The following NEK10 variants were observed in gnomAD, a reference collection of about 807,000 sequenced individuals.
NEK10 encodes the protein NIMA related kinase 10.
A neutral mutation model predicts 159.8 loss-of-function variants in NEK10; 122 were observed. That is an observed-to-expected ratio of 0.76 (90% CI 0.66 to 0.89). The LOEUF (loss-of-function observed/expected upper bound fraction) is 0.89, where lower values mean the gene tolerates loss of function less well. Ranked by LOEUF, NEK10 falls within the 40% of genes least tolerant of loss-of-function variation. The pLI is 0.00. For synonymous variants in NEK10, 466 were observed against 457.1 expected (o/e 1.02, Z -0.25); for missense variants, 1,342 against 1,323.1 (o/e 1.01, Z -0.22).
chr3:27,368,659 A>G (rs2049283885), intron 1 of NEK10, among the ~76,000 whole-genome samples: 1 of 152,166 alleles, frequency 6.6e-6, no homozygotes, highest in African/African-American at 2.4e-5. Flanking sequence ...GATGGCGTTC[A>G]GGGTTGCACA....
intron 5 of NEK10, among the ~76,000 whole-genome samples, chr3:27,340,584 T>A (rs952882990): frequency 2.6e-5 from 4 of 151,996 alleles, no homozygotes; most frequent in Non-Finnish European, 4.4e-5. Context: ...GACATACAAA[T>A]AGCCAACAAG....
intron 23 of NEK10, among the ~76,000 whole-genome samples, chr3:27,222,509 T>C (rs1240468548): frequency 6.6e-6 from 1 of 152,214 alleles, no homozygotes; most frequent in South Asian, 2.1e-4. Context: ...ATGAAAAACA[T>C]CGAAATAATT....
intron 5 of NEK10, among the ~76,000 whole-genome samples, chr3:27,339,352 GA>G (rs926001564): frequency 1.4e-4 from 21 of 151,814 alleles, no homozygotes; most frequent in Non-Finnish European, 2.5e-4. Context: ...AAATTTACAA[GA>G]AAAAAACAAA....
intron 23 of NEK10, among the ~76,000 whole-genome samples, chr3:27,223,740 G>A (rs1204060725): frequency 6.6e-6 from 1 of 152,086 alleles, no homozygotes; most frequent in Non-Finnish European, 1.5e-5. Context: ...GTTTCACACA[G>A]ATGCTGATGA....
rs376960607 is a variant in NEK10, at chr3:27,346,249, T to A, written c.133-33A>T. ...AATAGAAGCATAGAGTACATGAGGA[T>A]CACAATTCAGCACGGGATAAAGAAA... On this transcript the variant is annotated intron_variant, in intron 3 of 35. Coordinates refer to ENST00000691995, the MANE Select transcript of NEK10 (RefSeq NM_001394966.1). 3.7e-6 allele frequency: 6 copies of A among 1,611,598 alleles called. No individual in the cohort carries two copies. In the African/African-American group the frequency reaches 6.7e-5, roughly 18 times the overall value.
chr3:27,174,782 G>C lies in NEK10; in HGVS notation c.2557C>G (p.Leu853Val). The C allele has an allele frequency of 6.2e-7, 1 of 1,611,510 alleles. No homozygotes were observed. The highest frequency in any genetic ancestry group is 8.5e-7 in the Non-Finnish European group (1 of 1,179,144). ...LSSSSSGAAS[L>V]KSELSESADL... Reference sequence around the variant, plus strand: ...GCGCTTTCTGAAAGTTCACTTTTCAGGCTGGCTGCTCCACTGCTGCTGCTA... The same window carrying C: ...GCGCTTTCTGAAAGTTCACTTTTCACGCTGGCTGCTCCACTGCTGCTGCTA... Residue 853 changes from leucine to valine, a missense_variant, in exon 27 of 36, where the codon CTG becomes GTG. By Grantham distance (32) the Leu-to-Val change is conservative (BLOSUM62 1). Coordinates refer to ENST00000691995, the MANE Select transcript of NEK10 (RefSeq NM_001394966.1).
chr3:27,201,315 C>T (rs1027242079), intron 25 of NEK10, among the ~76,000 whole-genome samples, 195 bp downstream of exon 25: 11 of 152,126 alleles, frequency 7.2e-5, no homozygotes, highest in African/African-American at 2.2e-4. Flanking sequence ...AATAAGTGAA[C>T]GCTCTACTTC....
chr3:27,320,410 G>A (rs537674), intron 6 of NEK10, among the ~76,000 whole-genome samples: 7 of 152,200 alleles, frequency 4.6e-5, no homozygotes, highest in Admixed American at 6.5e-5. Flanking sequence ...CCTGGAAAAC[G>A]TTATTAATAT....
At chr3:27,140,670 A>C (rs1943695196) in intron 31 of NEK10, among the ~76,000 whole-genome samples, 1 of 152,178 alleles carries the variant, frequency 6.6e-6, no homozygotes, top group African/African-American at 2.4e-5. Flanking sequence ...GGAATTGCCA[A>C]AACTGGCAGC....
At chr3:27,204,062 C>A (rs1370696482) in intron 23 of NEK10, among the ~76,000 whole-genome samples, 1 of 152,066 alleles carries the variant, frequency 6.6e-6, no homozygotes, top group Non-Finnish European at 1.5e-5. Flanking sequence ...TGGCTCCCCA[C>A]AGACAAATTT....
chr3:27,356,727 G>A (rs1381263740), intron 1 of NEK10, among the ~76,000 whole-genome samples: 1 of 152,098 alleles, frequency 6.6e-6, no homozygotes, highest in African/African-American at 2.4e-5. Flanking sequence ...GGTCTCCTCT[G>A]ATGAGTATCT....
chr3:27,291,705 C>T (rs13081226), intron 16 of NEK10, 119 bp from the exon 17 acceptor site: 110,215 of 639,372 alleles, frequency 0.17, 10,415 homozygotes, highest in Non-Finnish European at 0.2. Context: ...TGCAGTGGCA[C>T]GATCTCAGCT....
chr3:27,317,146 T>C (rs1234672458), intron 6 of NEK10, among the ~76,000 whole-genome samples: 3 of 152,232 alleles, frequency 2.0e-5, no homozygotes, highest in Non-Finnish European at 4.4e-5. Context: ...TTTCCCTCCA[T>C]GCTCCCATGG....
At chr3:27,343,256 A>C (rs1000454760) in intron 5 of NEK10, among the ~76,000 whole-genome samples, 8 of 152,318 alleles carry the variant, frequency 5.3e-5, no homozygotes, top group Non-Finnish European at 1.0e-4. Flanking sequence ...AAAGATGGAG[A>C]TATGAAGTCA....
At chr3:27,145,579 T>C (rs544823318) in intron 30 of NEK10, among the ~76,000 whole-genome samples, 2 of 152,294 alleles carry the variant, frequency 1.3e-5, no homozygotes, top group African/African-American at 4.8e-5. Context: ...TCAGAGGACT[T>C]GCAAGAAGAG....
intron 23 of NEK10, among the ~76,000 whole-genome samples, chr3:27,225,648 C>T (rs1952561371): frequency 6.6e-6 from 1 of 152,192 alleles, no homozygotes; most frequent in Admixed American, 6.5e-5. Context: ...CTTTAGCCAA[C>T]ATTGTATTGG....
At chr3:27,199,771 T>C (rs112969012) in intron 25 of NEK10, among the ~76,000 whole-genome samples, 304 of 152,346 alleles carry the variant, frequency 2.0e-3, no homozygotes, top group African/African-American at 6.4e-3. Context: ...TGGAATACTA[T>C]GTAGCCATAA....
chr3:27,361,977 A>C (rs944418004), intron 1 of NEK10, among the ~76,000 whole-genome samples: 3 of 152,216 alleles, frequency 2.0e-5, no homozygotes, highest in Admixed American at 1.3e-4. Flanking sequence ...AATTGCTGAT[A>C]ATGTCTCTTT....
chr3:27,304,434 G>A (rs1417344257), intron 12 of NEK10, among the ~76,000 whole-genome samples: 1 of 152,032 alleles, frequency 6.6e-6, no homozygotes, highest in Non-Finnish European at 1.5e-5. Flanking sequence ...GTTTTTTTTA[G>A]GTTACTGGAT....
Sources: allele counts gnomAD v4.1 joint callset (sites outside exome capture counted in the v4.1 genomes callset), GRCh38; gene constraint gnomAD v4.1.1; transcripts MANE v1.5; gene names NCBI Gene and HGNC (gene_info 2026-07-23, HGNC 2026-07-21).